The following EBF1 variants were observed in gnomAD, a reference collection of about 807,000 sequenced individuals.
EBF1 encodes the protein EBF transcription factor 1.
In EBF1, 10 loss-of-function variants were observed where a neutral mutation model predicts 68.4. The observed-to-expected ratio is 0.15, with a 90% CI of 0.09 to 0.25. The LOEUF (loss-of-function observed/expected upper bound fraction) is 0.25, where lower values mean the gene tolerates loss of function less well. EBF1 is among the 10% of genes least tolerant of loss of function. The pLI is 1.00. For synonymous variants in EBF1, 298 were observed against 299.8 expected (o/e 0.99, Z 0.06); for missense variants, 509 against 794.4 (o/e 0.64, Z 4.32).
intron 10 of EBF1, among the ~76,000 whole-genome samples, chr5:158,758,721 A>G (rs1368275645): frequency 6.6e-6 from 1 of 152,192 alleles, no homozygotes; most frequent in Non-Finnish European, 1.5e-5. Context: ...TATTTATTCA[A>G]ACTGAGATGA....
At chr5:158,863,633 G>C (rs1401957692) in intron 6 of EBF1, among the ~76,000 whole-genome samples, 1 of 152,072 alleles carries the variant, frequency 6.6e-6, no homozygotes, top group East Asian at 1.9e-4. Flanking sequence ...GAGTATCATG[G>C]CTTATTATAA....
At chr5:159,032,164 C>T (rs912774025) in intron 6 of EBF1, among the ~76,000 whole-genome samples, 1 of 152,164 alleles carries the variant, frequency 6.6e-6, no homozygotes, top group Non-Finnish European at 1.5e-5. Context: ...AATAGAACAA[C>T]TACCACTTAT....
At chr5:158,797,367 A>G (rs1451238749) in intron 8 of EBF1, among the ~76,000 whole-genome samples, 1 of 152,218 alleles carries the variant, frequency 6.6e-6, no homozygotes, top group Non-Finnish European at 1.5e-5. Context: ...CCTTCGTGCC[A>G]CTGAGGGTTT....
intron 8 of EBF1, among the ~76,000 whole-genome samples, chr5:158,820,635 T>C (rs988684472): frequency 2.1e-5 from 3 of 145,260 alleles, no homozygotes; most frequent in African/African-American, 8.6e-5. Flanking sequence ...CAAAGCCCCT[T>C]GCTGAAGGAA....
intron 6 of EBF1, among the ~76,000 whole-genome samples, chr5:159,039,824 C>T (rs1489382963): frequency 2.0e-5 from 3 of 152,122 alleles, no homozygotes; most frequent in East Asian, 1.9e-4. Flanking sequence ...AATAAAATAT[C>T]GAATGAGTAC....
intron 10 of EBF1, among the ~76,000 whole-genome samples, chr5:158,755,897 C>T (rs983029397): frequency 1.3e-5 from 2 of 151,914 alleles, no homozygotes; most frequent in Admixed American, 6.6e-5. Context: ...TGATTCTGAA[C>T]GAAATAGTGT....
intron 6 of EBF1, among the ~76,000 whole-genome samples, chr5:159,030,189 A>T (rs995049200): frequency 1.3e-5 from 2 of 152,122 alleles, no homozygotes; most frequent in Admixed American, 1.3e-4. Flanking sequence ...TTTTTTTAAA[A>T]TGTAGAAGTG....
intron 6 of EBF1, among the ~76,000 whole-genome samples, chr5:158,861,191 G>A (rs970242593): frequency 1.3e-5 from 2 of 151,884 alleles, no homozygotes; most frequent in Non-Finnish European, 2.9e-5. Flanking sequence ...CTTACTCAAA[G>A]GCAGGCTAAA....
intron 7 of EBF1, among the ~76,000 whole-genome samples, chr5:158,836,216 C>A (rs1788756018): frequency 6.6e-6 from 1 of 152,156 alleles, no homozygotes; most frequent in South Asian, 2.1e-4. Context: ...ACAGTTAGAT[C>A]TAAACCTGGG....
At chr5:158,709,327 A>T (rs1459984539) in intron 14 of EBF1, among the ~76,000 whole-genome samples, 2 of 147,958 alleles carry the variant, frequency 1.4e-5, no homozygotes, top group Admixed American at 6.7e-5. Flanking sequence ...TATCACATAT[A>T]TTTTTTTTTT....
intron 10 of EBF1, among the ~76,000 whole-genome samples, chr5:158,737,535 C>G (rs887785711): frequency 6.6e-6 from 1 of 151,906 alleles, no homozygotes; most frequent in East Asian, 1.9e-4. Context: ...CCGCCCGCTT[C>G]GGCCTCCCAA....
At chr5:159,089,677 T>C (rs1056409982) in intron 4 of EBF1, among the ~76,000 whole-genome samples, 5 of 148,836 alleles carry the variant, frequency 3.4e-5, no homozygotes, top group Non-Finnish European at 7.4e-5. Context: ...TTCAGCAAAA[T>C]CCAAAGGATT....
chr5:158,722,373 G>A (rs551780957), intron 11 of EBF1, among the ~76,000 whole-genome samples: 3 of 152,310 alleles, frequency 2.0e-5, no homozygotes, highest in Admixed American at 1.3e-4. Context: ...TTTGTCTTTT[G>A]GCTGTGGCTT....
chr5:158,951,869 T>C (rs1816077484), intron 6 of EBF1, among the ~76,000 whole-genome samples: 1 of 152,256 alleles, frequency 6.6e-6, no homozygotes, highest in Admixed American at 6.5e-5. Flanking sequence ...AAACTCGCTG[T>C]CTTGCAGGGA....
chr5:158,785,693 T>A (rs893797566), intron 9 of EBF1, among the ~76,000 whole-genome samples: 1 of 152,346 alleles, frequency 6.6e-6, no homozygotes, highest in Non-Finnish European at 1.5e-5. Context: ...CATGAATCCT[T>A]AAAGATAAAC....
intron 6 of EBF1, among the ~76,000 whole-genome samples, chr5:158,887,275 G>C (rs1582899233): frequency 6.6e-6 from 1 of 152,124 alleles, no homozygotes; most frequent in Admixed American, 6.5e-5. Context: ...GACATCTGCT[G>C]AATTATAACA....
intron 15 of EBF1, among the ~76,000 whole-genome samples, chr5:158,701,709 C>T (rs1364378033): frequency 2.0e-5 from 3 of 152,180 alleles, no homozygotes; most frequent in Non-Finnish European, 4.4e-5. Flanking sequence ...TCAAGAGAAG[C>T]TAGAGATTTA....
chr5:158,736,154 G>A (rs189227908), intron 10 of EBF1, among the ~76,000 whole-genome samples: 210 of 152,188 alleles, frequency 1.4e-3, no homozygotes, highest in Middle Eastern at 3.4e-3. Context: ...TCTGTAAGGG[G>A]GTATATTTGC....
intron 6 of EBF1, among the ~76,000 whole-genome samples, chr5:159,063,373 G>C (rs1378679015): frequency 6.6e-6 from 1 of 152,156 alleles, no homozygotes; most frequent in Non-Finnish European, 1.5e-5. Context: ...ATACCTCTGG[G>C]TATGAGCTAA....
Sources: allele counts gnomAD v4.1 joint callset (sites outside exome capture counted in the v4.1 genomes callset), GRCh38; gene constraint gnomAD v4.1.1; transcripts MANE v1.5; gene names NCBI Gene and HGNC (gene_info 2026-07-23, HGNC 2026-07-21).